The following ST7 variants were observed in gnomAD, a reference collection of about 807,000 sequenced individuals.
ST7 encodes suppression of tumorigenicity 7.
In ST7, 28 loss-of-function variants were observed where a neutral mutation model predicts 78.7. The ratio of observed to expected loss-of-function variants is 0.36; its 90% CI spans 0.26 to 0.49. The LOEUF (loss-of-function observed/expected upper bound fraction) is 0.49. ST7 is among the 20% of genes least tolerant of loss of function. The probability of loss-of-function intolerance (pLI) is 0.99; values close to 1 mark genes in which losing one functional copy is unlikely to be tolerated. For synonymous variants in ST7, 247 were observed against 249.6 expected, an observed-to-expected ratio of 0.99 and a Z score of 0.10; for missense variants, 418 against 696.0, an observed-to-expected ratio of 0.60 and a Z score of 4.49.
At chr7:117,019,045 T>A (rs1324530163) in intron 1 of ST7, among the ~76,000 whole-genome samples, 3 of 152,206 alleles carry the variant, frequency 2.0e-5, no homozygotes, top group East Asian at 3.8e-4. Flanking sequence ...GTTAAAGTAA[T>A]ATGTGGTTCC....
intron 2 of ST7, among the ~76,000 whole-genome samples, chr7:117,105,151 A>G (rs1243633200): frequency 6.6e-6 from 1 of 152,232 alleles, no homozygotes; most frequent in Non-Finnish European, 1.5e-5. Context: ...ATGAAAAAGA[A>G]TGTTCTGTTA....
chr7:117,134,207 T>C lies in ST7; in HGVS notation c.710+15T>C. ...TTGTTACCAAAGTAAGTCAAGAACC[T>C]GTTGGGTGCCCTACTTCTAACCAAA... On this transcript the variant is annotated intron_variant, in intron 7 of 15. Coordinates refer to ENST00000323984, the MANE Select transcript of ST7 (RefSeq NM_001369598.1). 1.2e-6 allele frequency: 2 copies of C among 1,611,524 alleles called. No homozygotes were observed. The highest frequency in any genetic ancestry group is 1.7e-6 in the Non-Finnish European group (2 of 1,178,540).
intron 10 of ST7, among the ~76,000 whole-genome samples, chr7:117,181,961 C>A (rs761881630): frequency 9.2e-5 from 14 of 152,168 alleles, no homozygotes; most frequent in Non-Finnish European, 1.6e-4. Flanking sequence ...CTTTCAGGTA[C>A]CATGGAGGAA....
chr7:117,189,620 T>TAA (rs1222788966), intron 11 of ST7, among the ~76,000 whole-genome samples: 1 of 152,220 alleles, frequency 6.6e-6, no homozygotes, highest in Non-Finnish European at 1.5e-5. Flanking sequence ...TTATTTGAAA[T>TAA]TCCATGCTTC....
intron 1 of ST7, among the ~76,000 whole-genome samples, chr7:117,049,245 A>T (rs1044793611): frequency 8.5e-5 from 13 of 152,100 alleles, no homozygotes; most frequent in Non-Finnish European, 1.3e-4. Flanking sequence ...CTTCCTTACT[A>T]ATGTCCTTTG....
chr7:117,044,570 C>T (rs1285027575), intron 1 of ST7, among the ~76,000 whole-genome samples: 2 of 151,994 alleles, frequency 1.3e-5, no homozygotes, highest in Non-Finnish European at 2.9e-5. Flanking sequence ...AGGCTGGTCT[C>T]GAACTCTTGA....
At chr7:117,050,854 C>T (rs2116364235) in intron 1 of ST7, among the ~76,000 whole-genome samples, 1 of 151,436 alleles carries the variant, frequency 6.6e-6, no homozygotes, top group East Asian at 1.9e-4. Context: ...CACTTGGACC[C>T]AGGAGGCGGA....
At chr7:116,978,753 T>C (rs1793817439) in intron 1 of ST7, among the ~76,000 whole-genome samples, 2 of 152,022 alleles carry the variant, frequency 1.3e-5, no homozygotes, top group Admixed American at 6.6e-5. Flanking sequence ...GTCCAGCTAA[T>C]TTTTTGTATT....
intron 12 of ST7, among the ~76,000 whole-genome samples, chr7:117,193,048 G>A (rs1216385445): frequency 6.6e-6 from 1 of 152,080 alleles, no homozygotes; most frequent in Non-Finnish European, 1.5e-5. Flanking sequence ...GAATTTCCGT[G>A]GGGAACGGGT....
chr7:117,112,409 A>C (rs1449666159), intron 2 of ST7: 2 of 152,208 alleles, frequency 1.3e-5, no homozygotes, highest in African/African-American at 4.8e-5. Flanking sequence ...GGGTATGACC[A>C]GTGTCTTTAT....
chr7:116,972,214 C>T lies in ST7; in HGVS notation c.151+18523C>T, dbSNP rs554677483. 1.6e-4 allele frequency: 84 copies of T among 541,330 alleles called. No individual in the cohort carries two copies. The African/African-American group carries it at 1.6e-3, about 10-fold the overall frequency. The allele number at this position is 541,330 out of a possible 1,614,324, so 33.5% of individuals were successfully genotyped here. On this transcript the variant is annotated intron_variant, in intron 1 of 15. Coordinates refer to ENST00000323984, the MANE Select transcript of ST7 (RefSeq NM_001369598.1). ...AGTCTGGACCAGCATCTTTTGTGTACAGAGGCGCTGTCCTTTGGTGCATTT... is the reference window on the plus strand; with the variant it reads ...AGTCTGGACCAGCATCTTTTGTGTATAGAGGCGCTGTCCTTTGGTGCATTT...
Position 116,975,414 on chromosome 7 carries a change from AT to A in ST7, c.151+21734del, listed in dbSNP as rs200910179. Reference sequence around the variant, plus strand: ...ATATTATGGGGGTTTTTTGAAAACAATTTTTTTTTTTGAGATGGAATCTCGC... The same window carrying A: ...ATATTATGGGGGTTTTTTGAAAACAATTTTTTTTTTGAGATGGAATCTCGC... On this transcript the variant is annotated intron_variant, in intron 1 of 15. Coordinates refer to ENST00000323984, the MANE Select transcript of ST7 (RefSeq NM_001369598.1). Among the ~76,000 whole-genome samples the A allele has an allele frequency of 3.0e-3, 451 of 148,612 alleles. 5 individuals are homozygous for A. The highest frequency in any genetic ancestry group is 9.8e-3 in the African/African-American group (400 of 40,756).
intron 1 of ST7, chr7:116,956,742 AT>A (rs755580580): frequency 1.0e-4 from 45 of 432,962 alleles, no homozygotes; most frequent in Admixed American, 1.7e-4. Flanking sequence ...GCTTAACTCG[AT>A]TTTTTTTTAA....
intron 1 of ST7, among the ~76,000 whole-genome samples, chr7:116,975,563 A>G (rs1793660269): frequency 6.6e-6 from 1 of 151,894 alleles, no homozygotes; most frequent in Non-Finnish European, 1.5e-5. Flanking sequence ...GCCTGGCTCC[A>G]CACCTGGCTC....
chr7:117,221,566 T>C (rs1261923071), intron 14 of ST7, among the ~76,000 whole-genome samples: 1 of 152,240 alleles, frequency 6.6e-6, no homozygotes, highest in East Asian at 1.9e-4. Context: ...GAACACGTGT[T>C]TTGTAATTTG....
intron 9 of ST7, among the ~76,000 whole-genome samples, chr7:117,160,767 A>G (rs1807079581): frequency 6.6e-6 from 1 of 152,006 alleles, no homozygotes; most frequent in African/African-American, 2.4e-5. Flanking sequence ...TTGTGACCCC[A>G]AAATTTTATT....
chr7:116,979,882 C>T (rs1035503446), intron 1 of ST7, among the ~76,000 whole-genome samples: 5 of 151,218 alleles, frequency 3.3e-5, no homozygotes, highest in Non-Finnish European at 7.4e-5. Flanking sequence ...ATGCTCCATT[C>T]AAAGTATGCT....
At position 117,129,654 on chromosome 7, in the gene ST7, T is replaced by G. The variant is rs546005535; in HGVS notation, c.395-139T>G. The G allele has an allele frequency of 9.8e-6, 7 of 712,826 alleles. No individual in the cohort carries two copies. In the East Asian group the frequency reaches 2.0e-4, roughly 21 times the overall value. The allele number at this position is 712,826 out of a possible 1,614,324, so 44.2% of individuals were successfully genotyped here. Reference sequence around the variant, plus strand: ...CATTTTGTGATTAACCACCCAGAGTTTTTCCACATTGCTTCCCATGTAAAG... The same window carrying G: ...CATTTTGTGATTAACCACCCAGAGTGTTTCCACATTGCTTCCCATGTAAAG... On this transcript the variant is annotated intron_variant, in intron 3 of 15. Transcript: ENST00000323984.
intron 12 of ST7, among the ~76,000 whole-genome samples, chr7:117,193,707 T>G (rs2117418036): frequency 6.6e-6 from 1 of 152,384 alleles, no homozygotes; most frequent in Middle Eastern, 3.4e-3. Flanking sequence ...TCAGGATATC[T>G]TAAATGATGT....
Sources: allele counts gnomAD v4.1 joint callset (sites outside exome capture counted in the v4.1 genomes callset), GRCh38; gene constraint gnomAD v4.1.1; transcripts MANE v1.5; gene names NCBI Gene and HGNC (gene_info 2026-07-23, HGNC 2026-07-21).